Variants in NELL1 observed in about 807,000 individuals in gnomAD.
NELL1 encodes the protein neural EGFL like 1, also known as protein kinase C-binding protein NELL1.
A neutral mutation model predicts 107.4 loss-of-function variants in NELL1; 76 were observed. That is an observed-to-expected ratio of 0.71 (90% CI 0.59 to 0.86). NELL1 has a LOEUF of 0.86. Among genes scored for constraint, NELL1 ranks in the 40% least tolerant of loss-of-function variants. NELL1 has a pLI of 0.00. For missense variants in NELL1, 1,024 were observed against 1,005.5 expected (o/e 1.02, Z -0.25); for synonymous variants, 353 against 341.2 (o/e 1.03, Z -0.38).
intron 15 of NELL1, among the ~76,000 whole-genome samples, chr11:21,396,434 C>T (rs1851982379): frequency 6.6e-6 from 1 of 151,596 alleles, no homozygotes; most frequent in African/African-American, 2.4e-5. Flanking sequence ...CAGGTTTTAT[C>T]TCAGCAAGAC....
chr11:21,461,930 C>T (rs1853910513), intron 15 of NELL1, among the ~76,000 whole-genome samples: 1 of 152,064 alleles, frequency 6.6e-6, no homozygotes, highest in African/African-American at 2.4e-5. Flanking sequence ...AATGTGGAAG[C>T]CAGGGAATAG....
chr11:21,434,624 T>G (rs1853058240), intron 15 of NELL1, among the ~76,000 whole-genome samples: 2 of 152,190 alleles, frequency 1.3e-5, no homozygotes, highest in African/African-American at 4.8e-5. Flanking sequence ...TCAGGTAGTG[T>G]GATGCCTCCA....
intron 15 of NELL1, among the ~76,000 whole-genome samples, chr11:21,407,182 A>G (rs1852256642): frequency 6.6e-6 from 1 of 151,978 alleles, no homozygotes; most frequent in Admixed American, 6.6e-5. Flanking sequence ...TTGGGAGGCC[A>G]AAGTGGGCAG....
At chr11:20,828,502 C>G (rs1286823690) in intron 3 of NELL1, among the ~76,000 whole-genome samples, 1 of 152,138 alleles carries the variant, frequency 6.6e-6, no homozygotes, top group Non-Finnish European at 1.5e-5. Flanking sequence ...TAGCACTTTT[C>G]TAAAATTTAA....
intron 15 of NELL1, among the ~76,000 whole-genome samples, chr11:21,492,707 G>A (rs1016812895): frequency 7.5e-6 from 1 of 133,806 alleles, no homozygotes; most frequent in Non-Finnish European, 1.5e-5. Context: ...AGAACACATG[G>A]ACATAGGAAG....
At position 20,775,103 on chromosome 11, in the gene NELL1, A is replaced by G. The variant is rs565194248; in HGVS notation, c.185-8577A>G. 3.9e-5 allele frequency among the ~76,000 whole-genome samples: 6 copies of G among 152,270 alleles called. No homozygotes were observed. The South Asian group carries it at 1.2e-3, about 32-fold the overall frequency. On this transcript the variant is annotated intron_variant, in intron 2 of 19. Coordinates refer to ENST00000357134, the MANE Select transcript of NELL1 (RefSeq NM_006157.5). ...TGAGCTCATATATTTTAGCATAAAC[A>G]TTGTAGTTTTTTTTCTTACAATAAC...
chr11:21,330,597 T>G (rs1203512443), intron 14 of NELL1, among the ~76,000 whole-genome samples: 2 of 152,120 alleles, frequency 1.3e-5, no homozygotes, highest in Non-Finnish European at 2.9e-5. Flanking sequence ...GTTGTTAATC[T>G]GCCTGGGATT....
At chr11:21,374,672 C>T (rs16908013) in intron 15 of NELL1, among the ~76,000 whole-genome samples, 32,282 of 152,000 alleles carry the variant, frequency 0.21, 3,455 homozygotes, top group South Asian at 0.28. Context: ...AACCCTGTTA[C>T]TTATTCTCAA....
intron 13 of NELL1, among the ~76,000 whole-genome samples, chr11:21,141,534 A>G (rs1050527456): frequency 6.6e-6 from 1 of 152,172 alleles, no homozygotes; most frequent in African/African-American, 2.4e-5. Context: ...AGATGTGGTC[A>G]AGATAAATTA....
chr11:21,419,628 A>G (rs955741023), intron 15 of NELL1, among the ~76,000 whole-genome samples: 15 of 151,636 alleles, frequency 9.9e-5, no homozygotes, highest in African/African-American at 3.2e-4. Flanking sequence ...CACTGTAGCA[A>G]TTAGCTTAAT....
chr11:21,405,456 A>G (rs73473039), intron 15 of NELL1, among the ~76,000 whole-genome samples: 2,385 of 152,174 alleles, frequency 0.016, 61 homozygotes, highest in African/African-American at 0.052. Context: ...AACAGAATAC[A>G]AATGGCTGTG....
intron 5 of NELL1, among the ~76,000 whole-genome samples, chr11:20,894,416 C>G (rs1849682393): frequency 6.6e-6 from 1 of 152,060 alleles, no homozygotes; most frequent in South Asian, 2.1e-4. Flanking sequence ...TATAAAGGAC[C>G]CCTTTACATC....
intron 10 of NELL1, among the ~76,000 whole-genome samples, chr11:20,945,055 A>G (rs973790510): frequency 1.3e-4 from 20 of 152,216 alleles, no homozygotes; most frequent in Non-Finnish European, 2.5e-4. Context: ...CCTAGAGATA[A>G]TCTTTTAACA....
chr11:21,381,547 A>T (rs1453364426), intron 15 of NELL1, among the ~76,000 whole-genome samples: 2 of 151,994 alleles, frequency 1.3e-5, no homozygotes, highest in Non-Finnish European at 2.9e-5. Context: ...GTAGCTAGTG[A>T]TAACTTTAAT....
intron 17 of NELL1, among the ~76,000 whole-genome samples, chr11:21,567,835 A>G (rs1294418492): frequency 6.6e-6 from 1 of 151,846 alleles, no homozygotes; most frequent in Non-Finnish European, 1.5e-5. Flanking sequence ...TGACAGGAAG[A>G]AGAGATGAAA....
At chr11:21,386,181 G>A (rs1263144662) in intron 15 of NELL1, among the ~76,000 whole-genome samples, 2 of 98,792 alleles carry the variant, frequency 2.0e-5, no homozygotes, top group African/African-American at 7.8e-5. Context: ...CCCCACCCCC[G>A]CCAAAAAAAA....
intron 3 of NELL1, among the ~76,000 whole-genome samples, chr11:20,790,490 G>A (rs1258190321): frequency 6.6e-6 from 1 of 152,234 alleles, no homozygotes; most frequent in Non-Finnish European, 1.5e-5. Flanking sequence ...TACAAGTGCA[G>A]TGGGGTCCTT....
chr11:21,388,103 A>G (rs898366044), intron 15 of NELL1, among the ~76,000 whole-genome samples: 11 of 150,686 alleles, frequency 7.3e-5, no homozygotes, highest in African/African-American at 2.4e-4. Context: ...CTGGTATGCC[A>G]TACTGCCTTC....
chr11:20,717,382 A>G (rs1477179437), intron 2 of NELL1, among the ~76,000 whole-genome samples: 2 of 152,140 alleles, frequency 1.3e-5, no homozygotes, highest in Non-Finnish European at 2.9e-5. Context: ...GAATACTCCA[A>G]GATTTTCCCT....
Sources: allele counts gnomAD v4.1 joint callset (sites outside exome capture counted in the v4.1 genomes callset), GRCh38; gene constraint gnomAD v4.1.1; transcripts MANE v1.5; gene names NCBI Gene and HGNC (gene_info 2026-07-23, HGNC 2026-07-21).